WWOX: variants seen among roughly 807,000 people sequenced by gnomAD.
The protein encoded by WWOX is WW domain containing oxidoreductase.
WWOX carries 69 observed loss-of-function variants against 46.2 expected under a neutral mutation model. The observed-to-expected ratio is 1.49, with a 90% CI of 1.23 to 1.82. The LOEUF is 1.82. WWOX is among the 40% of genes most tolerant of loss of function. The pLI is 0.00. For missense variants in WWOX, 919 were observed against 542.6 expected, an observed-to-expected ratio of 1.69 and a Z score of -6.89; for synonymous variants, 359 against 202.6, an observed-to-expected ratio of 1.77 and a Z score of -6.56.
At chr16:79,029,856 C>T (rs1404094688) in intron 8 of WWOX, among the ~76,000 whole-genome samples, 2 of 152,176 alleles carry the variant, frequency 1.3e-5, no homozygotes, top group Non-Finnish European at 2.9e-5. Flanking sequence ...CTTCAAACTT[C>T]AACAGTGTTT....
chr16:78,379,070 G>A (rs892962648), intron 5 of WWOX, among the ~76,000 whole-genome samples: 1 of 152,058 alleles, frequency 6.6e-6, no homozygotes, highest in African/African-American at 2.4e-5. Context: ...CTCAGCCTCT[G>A]TTTTCTCATC....
At chr16:79,120,415 C>T (rs1288651155) in intron 8 of WWOX, among the ~76,000 whole-genome samples, 1 of 152,168 alleles carries the variant, frequency 6.6e-6, no homozygotes, top group South Asian at 2.1e-4. Flanking sequence ...TCTGCACTTC[C>T]ACAGTACCCG....
intron 8 of WWOX, among the ~76,000 whole-genome samples, chr16:78,867,506 G>GTGTGTA (rs1043308770): frequency 7.4e-5 from 11 of 148,394 alleles, no homozygotes; most frequent in Admixed American, 1.3e-4. Flanking sequence ...GTGTGTGTGT[G>GTGTGTA]TGTGTATGTG....
intron 8 of WWOX, among the ~76,000 whole-genome samples, chr16:78,617,449 C>T (rs1004799617): frequency 4.0e-5 from 6 of 151,652 alleles, no homozygotes; most frequent in Admixed American, 2.6e-4. Context: ...TGCTGCTTTG[C>T]CTAAGTATTT....
chr16:79,036,541 C>T (rs890502311), intron 8 of WWOX, among the ~76,000 whole-genome samples: 1 of 152,180 alleles, frequency 6.6e-6, no homozygotes, highest in Non-Finnish European at 1.5e-5. Flanking sequence ...CAGGGCTTTC[C>T]TCTGCCTGAA....
At chr16:79,028,031 C>A (rs141118799) in intron 8 of WWOX, among the ~76,000 whole-genome samples, 2,638 of 151,808 alleles carry the variant, frequency 0.017, 160 homozygotes, top group African/African-American at 0.062. Context: ...AGCTCACTGC[C>A]AGCTCTGCCT....
chr16:78,393,171 C>G (rs2082212746), intron 6 of WWOX, among the ~76,000 whole-genome samples: 1 of 152,244 alleles, frequency 6.6e-6, no homozygotes, highest in South Asian at 2.1e-4. Flanking sequence ...GGGACCCTTT[C>G]TAATCACTCA....
At chr16:78,788,361 C>T (rs991273083) in intron 8 of WWOX, among the ~76,000 whole-genome samples, 1 of 152,174 alleles carries the variant, frequency 6.6e-6, no homozygotes, top group Non-Finnish European at 1.5e-5. Context: ...CTCTTTGTCT[C>T]CTGTCCTTCT....
chr16:78,674,818 T>G (rs1270658015), intron 8 of WWOX, among the ~76,000 whole-genome samples: 2 of 122,484 alleles, frequency 1.6e-5, no homozygotes, highest in Admixed American at 2.0e-4. Context: ...GTATCTGATT[T>G]TTCATTTTTC....
intron 5 of WWOX, among the ~76,000 whole-genome samples, chr16:78,176,344 G>T (rs1185008588): frequency 6.6e-6 from 1 of 152,154 alleles, no homozygotes; most frequent in Non-Finnish European, 1.5e-5. Context: ...GGATGCACTT[G>T]GTAAGGCTAG....
intron 8 of WWOX, among the ~76,000 whole-genome samples, chr16:78,719,868 T>C (rs557967345): frequency 2.0e-4 from 30 of 152,306 alleles, no homozygotes; most frequent in African/African-American, 7.2e-4. Context: ...CCAGCATTTA[T>C]TGGCAGTATT....
chr16:79,080,485 T>C (rs1040034604), intron 8 of WWOX, among the ~76,000 whole-genome samples: 2 of 152,212 alleles, frequency 1.3e-5, no homozygotes, highest in Admixed American at 6.5e-5. Context: ...ACAAATCAGC[T>C]GTTTATACTC....
chr16:78,934,990 GAC>G (rs2045706041), intron 8 of WWOX, among the ~76,000 whole-genome samples: 1 of 152,038 alleles, frequency 6.6e-6, no homozygotes, highest in Non-Finnish European at 1.5e-5. Flanking sequence ...GCAGCCAACA[GAC>G]ACATGAAAAA....
At chr16:78,624,628 A>C (rs1011681413) in intron 8 of WWOX, among the ~76,000 whole-genome samples, 2 of 152,192 alleles carry the variant, frequency 1.3e-5, no homozygotes, top group Admixed American at 6.5e-5. Flanking sequence ...ACTCATTTCT[A>C]TGGCAAGCTG....
intron 5 of WWOX, among the ~76,000 whole-genome samples, chr16:78,231,261 T>C (rs2037252279): frequency 6.6e-6 from 1 of 152,246 alleles, no homozygotes; most frequent in South Asian, 2.1e-4. Context: ...TACTCACTGG[T>C]TGAGCAAGAG....
At chr16:79,020,403 A>G (rs905797514) in intron 8 of WWOX, among the ~76,000 whole-genome samples, 6 of 152,180 alleles carry the variant, frequency 3.9e-5, no homozygotes, top group African/African-American at 1.4e-4. Flanking sequence ...CTGTATCACC[A>G]TGAGCGATAA....
intron 8 of WWOX, among the ~76,000 whole-genome samples, chr16:79,136,409 T>G (rs965138420): frequency 2.0e-5 from 3 of 152,094 alleles, no homozygotes; most frequent in African/African-American, 4.8e-5. Flanking sequence ...TTTTGTATTT[T>G]TAGTAGAGAC....
At chr16:78,745,275 T>A (rs576156819) in intron 8 of WWOX, among the ~76,000 whole-genome samples, 1 of 152,326 alleles carries the variant, frequency 6.6e-6, no homozygotes, top group East Asian at 1.9e-4. Context: ...TCAGCAAGCT[T>A]TTGGCTGAGC....
At chr16:78,686,343 C>G (rs567156550) in intron 8 of WWOX, among the ~76,000 whole-genome samples, 2 of 152,098 alleles carry the variant, frequency 1.3e-5, no homozygotes, top group Middle Eastern at 3.4e-3. Context: ...AACCCCGCCT[C>G]TACTAAAAAT....
Sources: allele counts gnomAD v4.1 joint callset (sites outside exome capture counted in the v4.1 genomes callset), GRCh38; gene constraint gnomAD v4.1.1; transcripts MANE v1.5; gene names NCBI Gene and HGNC (gene_info 2026-07-23, HGNC 2026-07-21).